The following EPHB1 variants were observed in gnomAD, a reference collection of about 807,000 sequenced individuals.
EPHB1 encodes the protein ephrin type-B receptor 1.
In EPHB1, 30 loss-of-function variants were observed where a neutral mutation model predicts 94.4. The ratio of observed to expected loss-of-function variants is 0.32; its 90% CI spans 0.24 to 0.43. The LOEUF (loss-of-function observed/expected upper bound fraction) is 0.43. Ranked by LOEUF, EPHB1 falls within the 20% of genes least tolerant of loss-of-function variation. The pLI is 1.00. For missense variants in EPHB1, 1,055 were observed against 1,308.3 expected (o/e 0.81, Z 2.99); for synonymous variants, 522 against 489.1 (o/e 1.07, Z -0.89).
chr3:135,159,713 G>A (rs1182665192), intron 6 of EPHB1, among the ~76,000 whole-genome samples: 2 of 152,190 alleles, frequency 1.3e-5, no homozygotes, highest in African/African-American at 4.8e-5. Context: ...ATCTCTCCCA[G>A]GGCCCAGTAG....
intron 1 of EPHB1, among the ~76,000 whole-genome samples, chr3:134,839,533 G>A (rs893859264): frequency 6.6e-6 from 1 of 152,118 alleles, no homozygotes; most frequent in Admixed American, 6.5e-5. Flanking sequence ...TCCTGAAAGC[G>A]CCTCTGCCCT....
intron 3 of EPHB1, among the ~76,000 whole-genome samples, chr3:135,053,437 T>A (rs1937253784): frequency 6.6e-6 from 1 of 152,118 alleles, no homozygotes; most frequent in Non-Finnish European, 1.5e-5. Context: ...TTTTGGGAAC[T>A]GGTTTAAGGT....
chr3:134,856,699 GA>G (rs2037127604), intron 1 of EPHB1, among the ~76,000 whole-genome samples: 1 of 152,056 alleles, frequency 6.6e-6, no homozygotes, highest in Admixed American at 6.5e-5. Flanking sequence ...GACTTAGTAT[GA>G]AAAAAACAAG....
chr3:134,877,393 A>T (rs962012574), intron 1 of EPHB1, among the ~76,000 whole-genome samples: 3 of 151,846 alleles, frequency 2.0e-5, no homozygotes, highest in Non-Finnish European at 4.4e-5. Context: ...AAGCCCCCTG[A>T]CCCCCACAGC....
At chr3:134,949,994 A>G (rs557656241) in intron 2 of EPHB1, among the ~76,000 whole-genome samples, 3 of 152,182 alleles carry the variant, frequency 2.0e-5, no homozygotes, top group East Asian at 1.9e-4. Flanking sequence ...ATAATCTTCT[A>G]GAAGTTCTTA....
intron 13 of EPHB1, among the ~76,000 whole-genome samples, chr3:135,245,819 A>G (rs961718646): frequency 7.3e-5 from 11 of 151,406 alleles, no homozygotes; most frequent in African/African-American, 2.7e-4. Flanking sequence ...AAAAAAAAAA[A>G]AAAAAAAAAA....
intron 1 of EPHB1, among the ~76,000 whole-genome samples, chr3:134,858,490 G>A (rs2108302714): frequency 6.6e-6 from 1 of 152,286 alleles, no homozygotes; most frequent in African/African-American, 2.4e-5. Context: ...AGTCAGGGAA[G>A]TGATGGTGTG....
intron 1 of EPHB1, among the ~76,000 whole-genome samples, chr3:134,822,524 C>T (rs1056213234): frequency 6.6e-6 from 1 of 152,170 alleles, no homozygotes; most frequent in African/African-American, 2.4e-5. Context: ...GTTGCCTAAA[C>T]ATTTTTGAGG....
At chr3:135,146,462 G>T (rs1408913320) in intron 5 of EPHB1, among the ~76,000 whole-genome samples, 1 of 152,216 alleles carries the variant, frequency 6.6e-6, no homozygotes, top group Non-Finnish European at 1.5e-5. Flanking sequence ...AGGGCCATGG[G>T]AGCATCGGGG....
intron 6 of EPHB1, among the ~76,000 whole-genome samples, chr3:135,157,617 CAG>C (rs1243738234): frequency 1.1e-4 from 17 of 152,216 alleles, no homozygotes; most frequent in African/African-American, 3.6e-4. Context: ...TCCTTGGAAA[CAG>C]AGAAGGTTCT....
At chr3:135,096,498 G>A (rs952126906) in intron 3 of EPHB1, among the ~76,000 whole-genome samples, 9 of 152,176 alleles carry the variant, frequency 5.9e-5, no homozygotes, top group African/African-American at 9.7e-5. Flanking sequence ...GTTTCTATAC[G>A]TTCCCAGGTG....
intron 4 of EPHB1, among the ~76,000 whole-genome samples, chr3:135,121,393 T>G (rs1159873154): frequency 1.3e-5 from 2 of 152,258 alleles, no homozygotes; most frequent in Non-Finnish European, 2.9e-5. Flanking sequence ...GTTCAGGGCC[T>G]GAGTGCATCA....
chr3:134,980,377 A>C (rs193138343), intron 3 of EPHB1, among the ~76,000 whole-genome samples: 107 of 152,344 alleles, frequency 7.0e-4, no homozygotes, highest in African/African-American at 2.5e-3. Context: ...CTCAGAAATC[A>C]CATATGATCA....
intron 10 of EPHB1, among the ~76,000 whole-genome samples, chr3:135,191,822 CA>C (rs1420418384): frequency 1.3e-5 from 2 of 152,190 alleles, no homozygotes; most frequent in Non-Finnish European, 2.9e-5. Context: ...CCAGCTGCAG[CA>C]CCTTCAGGGT....
chr3:134,952,679 G>A (rs1454838876), intron 3 of EPHB1, among the ~76,000 whole-genome samples: 1 of 152,168 alleles, frequency 6.6e-6, no homozygotes, highest in African/African-American at 2.4e-5. Flanking sequence ...ACTGTATCAT[G>A]TGTTGTATTA....
At chr3:135,218,907 G>A (rs1022448441) in intron 12 of EPHB1, among the ~76,000 whole-genome samples, 2 of 152,238 alleles carry the variant, frequency 1.3e-5, no homozygotes, top group Admixed American at 1.3e-4. Context: ...AGGACGAAAA[G>A]GGGTTAATTA....
chr3:135,151,335 C>T (rs1941187331), intron 5 of EPHB1, among the ~76,000 whole-genome samples: 1 of 152,138 alleles, frequency 6.6e-6, no homozygotes. Context: ...GTCCCACTGA[C>T]TCCCTGATGC....
Position 135,076,261 on chromosome 3 carries a change from A to ATATATATATATG in EPHB1, c.806-30187_806-30186insTATATATATATG, listed in dbSNP as rs1553729687. ...TATATATATATATATATATATATAT[A>ATATATATATATG]ACTCTTAAATGCATTAGTAAAAAGT... On this transcript the variant is annotated intron_variant, in intron 3 of 15. Coordinates refer to ENST00000398015, the MANE Select transcript of EPHB1 (RefSeq NM_004441.5). Among the ~76,000 whole-genome samples the ATATATATATATG allele has an allele frequency of 1.5e-3, 169 of 112,548 alleles. 3 individuals carry two copies. The highest frequency in any genetic ancestry group is 6.5e-3 in the East Asian group (29 of 4,480). The allele number at this position is 112,548 out of a possible 152,430, so 73.8% of individuals were successfully genotyped here.
At chr3:135,250,751 G>T (rs951824590) in intron 15 of EPHB1, among the ~76,000 whole-genome samples, 2 of 151,980 alleles carry the variant, frequency 1.3e-5, no homozygotes, top group Non-Finnish European at 2.9e-5. Context: ...GGGCTCCGTG[G>T]GCTACAACAT....
Sources: gnomAD v4.1 joint callset for allele counts (sites outside exome capture counted in the v4.1 genomes callset) on GRCh38, gnomAD v4.1.1 for gene constraint, MANE v1.5 for transcripts, NCBI Gene and HGNC (gene_info 2026-07-23, HGNC 2026-07-21) for gene names.